Variants in NRXN1 observed in about 807,000 individuals in gnomAD.
NRXN1 encodes the protein neurexin-1.
In NRXN1, 39 loss-of-function variants were observed where a neutral mutation model predicts 150.9. That is an observed-to-expected ratio of 0.26 (90% confidence interval 0.20 to 0.34). The LOEUF (loss-of-function observed/expected upper bound fraction) is 0.34. NRXN1 is among the 10% of genes least tolerant of loss of function. NRXN1 has a pLI of 1.00. For synonymous variants in NRXN1, 924 were observed against 757.0 expected (o/e 1.22, Z -3.62); for missense variants, 1,815 against 1,949.9 (o/e 0.93, Z 1.30).
chr2:50,373,294 T>TTATTATTG (rs1553512407), intron 17 of NRXN1, among the ~76,000 whole-genome samples: 1 of 140,412 alleles, frequency 7.1e-6, no homozygotes, highest in Non-Finnish European at 1.5e-5. Flanking sequence ...TATTTTATTT[T>TTATTATTG]TTATTATTAT....
intron 5 of NRXN1, among the ~76,000 whole-genome samples, chr2:50,756,146 C>G (rs2105354906): frequency 6.6e-6 from 1 of 151,868 alleles, no homozygotes; most frequent in Non-Finnish European, 1.5e-5. Context: ...ATGGTCTTTC[C>G]TTCCCACAGG....
At chr2:50,766,619 G>T (rs1193229805) in intron 5 of NRXN1, among the ~76,000 whole-genome samples, 1 of 152,018 alleles carries the variant, frequency 6.6e-6, no homozygotes, top group Non-Finnish European at 1.5e-5. Flanking sequence ...AATCCCACAT[G>T]AAATAATCAC....
intron 21 of NRXN1, among the ~76,000 whole-genome samples, chr2:50,033,629 G>T (rs991450005): frequency 6.6e-6 from 1 of 151,850 alleles, no homozygotes; most frequent in Non-Finnish European, 1.5e-5. Flanking sequence ...TGACAAACAG[G>T]ATCTAGTTAA....
chr2:50,221,277 A>G (rs920641346), intron 18 of NRXN1, among the ~76,000 whole-genome samples: 2 of 152,036 alleles, frequency 1.3e-5, no homozygotes, highest in Admixed American at 1.3e-4. Flanking sequence ...TTTTGGGGAT[A>G]TAGAAATAAA....
At chr2:50,414,711 AT>A (rs2083419347) in intron 17 of NRXN1, among the ~76,000 whole-genome samples, 1 of 152,078 alleles carries the variant, frequency 6.6e-6, no homozygotes. Flanking sequence ...AATTTAATGT[AT>A]ATACTATAAC....
intron 2 of NRXN1, among the ~76,000 whole-genome samples, chr2:51,015,709 A>T (rs1438471390): frequency 6.6e-6 from 1 of 152,104 alleles, no homozygotes; most frequent in Non-Finnish European, 1.5e-5. Flanking sequence ...TTGTGATAGA[A>T]GAAAGACATA....
chr2:50,704,381 C>A (rs971364389), intron 5 of NRXN1, among the ~76,000 whole-genome samples: 1 of 151,566 alleles, frequency 6.6e-6, no homozygotes, highest in South Asian at 2.1e-4. Flanking sequence ...GTTTGCATTA[C>A]CTAAGAAAAT....
Position 50,026,652 on chromosome 2 carries a change from T to C in NRXN1, c.4128+26619A>G, listed in dbSNP as rs541825021. Among the ~76,000 whole-genome samples the C allele has an allele frequency of 2.0e-5, 3 of 152,098 alleles. No individual in the cohort carries two copies. The South Asian group carries it at 6.2e-4, about 32-fold the overall frequency. On this transcript the variant is annotated intron_variant, in intron 21 of 22. Coordinates refer to ENST00000401669, the MANE Select transcript of NRXN1 (RefSeq NM_001330078.2). ...CCATTAAAATTGCATACTCATAGAA[T>C]TTTAAAAAAATTCTATGCCTGAAGT...
chr2:50,746,728 C>T (rs1308406438), intron 5 of NRXN1, among the ~76,000 whole-genome samples: 1 of 152,100 alleles, frequency 6.6e-6, no homozygotes, highest in Non-Finnish European at 1.5e-5. Context: ...TGAGTCATCC[C>T]CCTTGTCAGA....
At chr2:50,515,035 C>T (rs1386583479) in intron 12 of NRXN1, among the ~76,000 whole-genome samples, 2 of 152,196 alleles carry the variant, frequency 1.3e-5, no homozygotes, top group Non-Finnish European at 2.9e-5. Flanking sequence ...AAGCATGCCG[C>T]ACAGCAGGAG....
chr2:50,587,126 G>C (rs1024310526), intron 8 of NRXN1, among the ~76,000 whole-genome samples: 1 of 152,302 alleles, frequency 6.6e-6, no homozygotes, highest in Non-Finnish European at 1.5e-5. Context: ...TAACAGTTGG[G>C]TTTTGCTGCA....
At chr2:51,001,881 C>T (rs1374142421) in intron 2 of NRXN1, among the ~76,000 whole-genome samples, 6 of 151,912 alleles carry the variant, frequency 3.9e-5, no homozygotes, top group African/African-American at 1.2e-4. Context: ...ATTTTCTGAC[C>T]TTCTCCTGAA....
intron 18 of NRXN1, among the ~76,000 whole-genome samples, chr2:50,169,612 C>G (rs567348660): frequency 4.7e-5 from 7 of 150,134 alleles, no homozygotes; most frequent in African/African-American, 1.7e-4. Flanking sequence ...ACTCGGGAGG[C>G]TGAGGAAGGA....
intron 17 of NRXN1, among the ~76,000 whole-genome samples, chr2:50,432,839 T>G (rs2085088635): frequency 6.6e-6 from 1 of 152,234 alleles, no homozygotes; most frequent in Non-Finnish European, 1.5e-5. Context: ...ATTTTTTTAG[T>G]TGTTAACCAA....
At chr2:49,948,874 T>G (rs1673423431) in intron 21 of NRXN1, among the ~76,000 whole-genome samples, 1 of 151,922 alleles carries the variant, frequency 6.6e-6, no homozygotes, top group African/African-American at 2.4e-5. Flanking sequence ...TAGCTTTACA[T>G]AACAGTCCAT....
chr2:50,335,058 G>C (rs1481383872), intron 17 of NRXN1, among the ~76,000 whole-genome samples: 3 of 152,074 alleles, frequency 2.0e-5, no homozygotes, highest in Non-Finnish European at 4.4e-5. Flanking sequence ...TGATCATAGA[G>C]CTTAAATAAA....
chr2:49,993,206 G>C (rs964718157), intron 21 of NRXN1, among the ~76,000 whole-genome samples: 4 of 152,060 alleles, frequency 2.6e-5, no homozygotes, highest in Non-Finnish European at 5.9e-5. Flanking sequence ...GGTACACCCA[G>C]ATAATGGAAT....
intron 5 of NRXN1, among the ~76,000 whole-genome samples, chr2:50,777,056 T>C (rs1453527694): frequency 6.6e-6 from 1 of 152,176 alleles, no homozygotes; most frequent in Non-Finnish European, 1.5e-5. Flanking sequence ...CTTTCAAAGT[T>C]AGAATGTCAT....
At chr2:50,974,695 A>G (rs1266577924) in intron 2 of NRXN1, among the ~76,000 whole-genome samples, 2 of 152,082 alleles carry the variant, frequency 1.3e-5, no homozygotes, top group Non-Finnish European at 2.9e-5. Flanking sequence ...TTTCCCATCT[A>G]AAATCTAATC....
Sources: allele counts gnomAD v4.1 joint callset (sites outside exome capture counted in the v4.1 genomes callset), GRCh38; gene constraint gnomAD v4.1.1; transcripts MANE v1.5; gene names NCBI Gene and HGNC (gene_info 2026-07-23, HGNC 2026-07-21).